Variants in HABP4 observed in about 807,000 individuals in gnomAD.
The protein encoded by HABP4 is intracellular hyaluronan-binding protein 4.
A neutral mutation model predicts 44.1 loss-of-function variants in HABP4; 32 were observed. That is an observed-to-expected ratio of 0.73 (90% CI 0.55 to 0.97). HABP4 has a LOEUF of 0.97. Ranked by LOEUF, HABP4 falls within the 50% of genes least tolerant of loss-of-function variation. The probability of loss-of-function intolerance (pLI) is 0.00; values close to 1 mark genes in which losing one functional copy is unlikely to be tolerated. For synonymous variants in HABP4, 216 were observed against 218.0 expected, an observed-to-expected ratio of 0.99 and a Z score of 0.08; for missense variants, 503 against 561.9, an observed-to-expected ratio of 0.90 and a Z score of 1.06.
chr9:96,488,386 A>G lies in HABP4; in HGVS notation c.1185+112A>G. The G allele has an allele frequency of 1.5e-6, 1 of 685,002 alleles. No individual in the cohort carries two copies. The allele number at this position is 685,002 out of a possible 1,614,324, so 42.4% of individuals were successfully genotyped here. A position where few individuals can be genotyped will look rare whatever the true frequency, so the allele number is the denominator to read the frequency against. ...AGTTTCTGCAGTCACTTCTTTCTGT[A>G]GCTAGTGTGGGACTGATGTTGGGGC... is the stretch of plus-strand genomic sequence containing the variant. On this transcript the variant is annotated intron_variant, in intron 7 of 7. Transcript: ENST00000375249. This position sits in a 1 kb window ranked among gnomAD's most constrained non-coding sequence, Gnocchi z 4.6.
At chr9:96,473,619 C>T (rs987464951) in intron 5 of HABP4, among the ~76,000 whole-genome samples, 5 of 152,178 alleles carry the variant, frequency 3.3e-5, no homozygotes, top group Non-Finnish European at 7.3e-5. Flanking sequence ...CTGTTCTGAC[C>T]TGCAGAGTCC....
At chr9:96,480,635 A>G (rs1171862217) in intron 5 of HABP4, among the ~76,000 whole-genome samples, 3 of 152,226 alleles carry the variant, frequency 2.0e-5, no homozygotes, top group Non-Finnish European at 4.4e-5. Context: ...ACATTTCATA[A>G]TAAATTGTAG....
chr9:96,456,741 C>T (rs1415758117), intron 1 of HABP4, among the ~76,000 whole-genome samples: 1 of 96,544 alleles, frequency 1.0e-5, no homozygotes, highest in African/African-American at 4.1e-5. Context: ...GCCTGGGCAA[C>T]AGAGCAAGAC....
chr9:96,462,038 C>T (rs1008481249), intron 2 of HABP4, among the ~76,000 whole-genome samples: 4 of 150,976 alleles, frequency 2.6e-5, no homozygotes, highest in East Asian at 1.9e-4. Flanking sequence ...CCCAGCTACT[C>T]GGGAGGCTGA....
chr9:96,482,246 C>CT (rs1335870282), intron 5 of HABP4, among the ~76,000 whole-genome samples: 1 of 152,124 alleles, frequency 6.6e-6, no homozygotes, highest in Admixed American at 6.6e-5. Flanking sequence ...CCTTGTAGAA[C>CT]TTTTTCATCA....
chr9:96,457,191 A>G (rs1034286105), intron 1 of HABP4, among the ~76,000 whole-genome samples: 2 of 151,996 alleles, frequency 1.3e-5, no homozygotes, highest in African/African-American at 4.8e-5. Context: ...GGTTAGAGAA[A>G]CGTCGTCTCT....
At position 96,488,634 on chromosome 9, in the gene HABP4, C is replaced by T. The variant is rs966048351; in HGVS notation, c.1185+360C>T. Reference sequence around the variant, plus strand: ...GCTCAGGTGATGCTGTCAGAGTGGACAGAATCCTCCCTAAGATCTCAAGCC... The same window carrying T: ...GCTCAGGTGATGCTGTCAGAGTGGATAGAATCCTCCCTAAGATCTCAAGCC... On this transcript the variant is annotated intron_variant, in intron 7 of 7. Transcript: ENST00000375249. This position sits in a 1 kb window ranked among gnomAD's most constrained non-coding sequence, Gnocchi z 4.6. Among the ~76,000 whole-genome samples, 3 of 152,172 alleles carry T rather than the reference C, an allele frequency of 2.0e-5. No individual in the cohort carries two copies. Among genetic ancestry groups the T allele is most frequent in the Admixed American group, 6.5e-5 (1 of 15,280 alleles).
At chr9:96,452,110 C>G (rs1304696134) in intron 1 of HABP4, among the ~76,000 whole-genome samples, 1 of 151,712 alleles carries the variant, frequency 6.6e-6, no homozygotes, top group Admixed American at 6.6e-5. Flanking sequence ...ACCTGTAGGT[C>G]CAGCTACTCG....
intron 1 of HABP4, among the ~76,000 whole-genome samples, chr9:96,453,611 G>A (rs1379195185): frequency 1.3e-5 from 2 of 152,182 alleles, no homozygotes; most frequent in African/African-American, 4.8e-5. Flanking sequence ...GTCATGAGAG[G>A]CCGTTTCAGT....
At chr9:96,460,508 G>A (rs969991794) in intron 2 of HABP4, among the ~76,000 whole-genome samples, 2 of 152,126 alleles carry the variant, frequency 1.3e-5, no homozygotes, top group Non-Finnish European at 2.9e-5. Context: ...TCTAAATTAC[G>A]GAGTCTACAG....
chr9:96,479,189 C>A (rs1832834780), intron 5 of HABP4, among the ~76,000 whole-genome samples: 1 of 152,130 alleles, frequency 6.6e-6, no homozygotes, highest in African/African-American at 2.4e-5. Context: ...TTCTCCTTTT[C>A]TTACATACTG....
chr9:96,458,407 G>C lies in HABP4; in HGVS notation c.378G>C (p.Glu126Asp). The C allele has an allele frequency of 6.2e-7, 1 of 1,614,062 alleles. No individual in the cohort carries two copies. The highest frequency in any genetic ancestry group is 8.5e-7 in the Non-Finnish European group (1 of 1,179,944). Residue 126 changes from glutamate (E) to aspartate (D), a missense_variant, in exon 2 of 8, where the codon GAG (glutamate) becomes GAC (aspartate). Physicochemically the swap from Glu to Asp is conservative, Grantham distance 45 (BLOSUM62 2). Around this residue, in one of 3 missense-constraint regions of HABP4, gnomAD observed 290 missense variants for 300.5 expected, o/e 0.97. Coordinates refer to ENST00000375249, the MANE Select transcript of HABP4 (RefSeq NM_014282.4). ...AGAAGCGGACTCCTAGAAGAGGGGAGCAGCAAGGATGGAATGACAGCCGTG... is the reference window on the plus strand; with the variant it reads ...AGAAGCGGACTCCTAGAAGAGGGGACCAGCAAGGATGGAATGACAGCCGTG... The part of the protein sequence containing the change: ...PGQKRTPRRG[E>D]QQGWNDSRGP...
At chr9:96,478,762 A>G (rs1832828252) in intron 5 of HABP4, among the ~76,000 whole-genome samples, 1 of 151,598 alleles carries the variant, frequency 6.6e-6, no homozygotes, top group Non-Finnish European at 1.5e-5. Context: ...CTGGTCTCAA[A>G]TGATCCTCCC....
chr9:96,468,858 G>C (rs1243305028), intron 4 of HABP4, among the ~76,000 whole-genome samples: 1 of 152,130 alleles, frequency 6.6e-6, no homozygotes, highest in Non-Finnish European at 1.5e-5. Flanking sequence ...TCGGCTTGAG[G>C]TCATGAAAAT....
At chr9:96,485,778 G>A (rs1195765532) in intron 6 of HABP4, among the ~76,000 whole-genome samples, 8 of 152,024 alleles carry the variant, frequency 5.3e-5, no homozygotes, top group African/African-American at 1.7e-4. Flanking sequence ...TCACTATTTC[G>A]AGGTGGGAGT....
chr9:96,481,960 G>A (rs1162120632), intron 5 of HABP4, among the ~76,000 whole-genome samples: 1 of 148,274 alleles, frequency 6.7e-6, no homozygotes, highest in Non-Finnish European at 1.5e-5. Flanking sequence ...TTTTGAGATG[G>A]AATCTCACTC....
intron 1 of HABP4, among the ~76,000 whole-genome samples, chr9:96,454,590 C>G (rs934621726): frequency 6.6e-6 from 1 of 152,072 alleles, no homozygotes; most frequent in East Asian, 1.9e-4. Context: ...GCTGGGACTA[C>G]AGACGCCCGC....
At chr9:96,489,013 A>G (rs556980558) in intron 7 of HABP4, among the ~76,000 whole-genome samples, 1 of 151,986 alleles carries the variant, frequency 6.6e-6, no homozygotes, top group South Asian at 2.1e-4. Flanking sequence ...TGTGGTATGG[A>G]CACTTATTCA....
At chr9:96,485,326 C>T (rs1189642397) in intron 6 of HABP4, among the ~76,000 whole-genome samples, 3 of 152,214 alleles carry the variant, frequency 2.0e-5, no homozygotes, top group Admixed American at 6.5e-5. Context: ...GCTGGGATTA[C>T]AGGCGTGAGC....
Sources: gnomAD v4.1 joint callset for allele counts (sites outside exome capture counted in the v4.1 genomes callset) on GRCh38, gnomAD v4.1.1 for gene constraint, gnomAD v4.1.1 regional missense constraint, Gnocchi (gnomAD v3.1) non-coding constraint, MANE v1.5 for transcripts, NCBI Gene and HGNC (gene_info 2026-07-23, HGNC 2026-07-21) for gene names.